The following SOS1 variants were observed in gnomAD, a reference collection of about 807,000 sequenced individuals.
The protein encoded by SOS1 is SOS Ras/Rac guanine nucleotide exchange factor 1, also known as son of sevenless homolog 1.
Under a neutral mutation model 157.6 loss-of-function variants are expected in SOS1, and 25 were observed. The ratio of observed to expected loss-of-function variants is 0.16; its 90% CI spans 0.12 to 0.22. SOS1 has a LOEUF of 0.22. Ranked by LOEUF, SOS1 falls within the 10% of genes least tolerant of loss-of-function variation. The pLI, the probability that SOS1 is intolerant of heterozygous loss-of-function variation, is 1.00. For missense variants in SOS1, 1,237 were observed against 1,599.1 expected (o/e 0.77, Z 3.86); for synonymous variants, 528 against 534.0 (o/e 0.99, Z 0.16).
At chr2:39,065,216 G>A (rs1368753104) in intron 2 of SOS1, among the ~76,000 whole-genome samples, 1 of 152,110 alleles carries the variant, frequency 6.6e-6, no homozygotes, top group African/African-American at 2.4e-5. Flanking sequence ...AGTCAATGAG[G>A]AAAATGGAAA....
chr2:38,997,220 C>A (rs760955660), intron 18 of SOS1, 33 bp downstream of exon 18: 26 of 1,530,948 alleles, frequency 1.7e-5, no homozygotes, highest in Non-Finnish European at 2.1e-5. Flanking sequence ...GAAACTTAAT[C>A]AGAAGTATGA....
chr2:39,005,770 T>C (rs943369838), intron 17 of SOS1, among the ~76,000 whole-genome samples: 2 of 152,008 alleles, frequency 1.3e-5, no homozygotes, highest in Non-Finnish European at 2.9e-5. Flanking sequence ...AGAGAGATCA[T>C]AATTTCTATA....
rs188605377 is a variant in SOS1, at chr2:39,033,745, C to G, written c.1074+1467G>C. 2.0e-5 allele frequency among the ~76,000 whole-genome samples: 3 copies of G among 152,268 alleles called. No individual in the cohort carries two copies. In the East Asian group the frequency reaches 5.8e-4, roughly 29 times the overall value. Reference sequence around the variant, plus strand: ...AGAGACAGGGTCTTGCCATGTTGCCCAAGCTGGTCTTGAACACCTGGGCTC... The same window carrying G: ...AGAGACAGGGTCTTGCCATGTTGCCGAAGCTGGTCTTGAACACCTGGGCTC... On this transcript the variant is annotated intron_variant, in intron 8 of 22. Transcript: ENST00000402219.
intron 1 of SOS1, among the ~76,000 whole-genome samples, chr2:39,112,805 G>A (rs1414053929): frequency 3.3e-5 from 5 of 152,136 alleles, no homozygotes; most frequent in African/African-American, 9.7e-5. Flanking sequence ...TCGGTAGGCC[G>A]AGGCGGGCAG....
chr2:39,061,711 C>T (rs1426689450), intron 2 of SOS1, among the ~76,000 whole-genome samples: 1 of 151,876 alleles, frequency 6.6e-6, no homozygotes, highest in Non-Finnish European at 1.5e-5. Flanking sequence ...AAAAAGAAGC[C>T]CAAGGAGGAC....
At chr2:39,078,896 C>A (rs988119200) in intron 1 of SOS1, among the ~76,000 whole-genome samples, 3 of 151,846 alleles carry the variant, frequency 2.0e-5, no homozygotes, top group African/African-American at 7.3e-5. Flanking sequence ...CCTGTCTCCA[C>A]TAAAAATACA....
chr2:39,007,752 C>T (rs1231559499), intron 15 of SOS1, among the ~76,000 whole-genome samples: 2 of 152,128 alleles, frequency 1.3e-5, no homozygotes, highest in East Asian at 1.9e-4. Context: ...AGATTCTGGA[C>T]TTGTGGTATG....
In SOS1 at chr2:38,983,543, T is replaced by G. The variant is rs1276025840; in HGVS notation, c.*2281A>C. 1.3e-5 allele frequency: 2 copies of G among 148,930 alleles called. No individual in the cohort carries two copies. Among genetic ancestry groups the G allele is most frequent in the African/African-American group, 4.9e-5 (2 of 40,896 alleles). 9.2% of individuals were successfully genotyped at this position (148,930 alleles called of 1,614,324 possible). ...AACTCCAAATCTGAATTTTTCCTCTTTATAGACTAGATAGGTTGAAAAGGG... is the reference window on the plus strand; with the variant it reads ...AACTCCAAATCTGAATTTTTCCTCTGTATAGACTAGATAGGTTGAAAAGGG... On this transcript the variant is annotated 3_prime_UTR_variant, in exon 23 of 23. Coordinates refer to ENST00000402219, the MANE Select transcript of SOS1 (RefSeq NM_005633.4).
chr2:39,013,470 T>G lies in SOS1; in HGVS notation c.2157A>C (p.Gly719=). Residue 719 remains glycine (G), a synonymous_variant, in exon 13 of 23, where the codon GGA becomes GGC. Coordinates refer to ENST00000402219, the MANE Select transcript of SOS1 (RefSeq NM_005633.4). ...YLLQRMEEFI[G]TVRGKAMKKW... ...AAAAAAAAAACATACCTCTTACTGT[T>G]CCAATAAATTCTTCCATTCGTTGCA... is the stretch of plus-strand genomic sequence containing the variant. 6.2e-7 allele frequency: 1 copy of G among 1,604,620 alleles called. No individual in the cohort carries two copies. Among genetic ancestry groups the G allele is most frequent in the Non-Finnish European group, 8.5e-7 (1 of 1,171,578 alleles).
intron 1 of SOS1, among the ~76,000 whole-genome samples, chr2:39,081,884 T>C (rs1256260679): frequency 6.6e-6 from 1 of 152,220 alleles, no homozygotes; most frequent in East Asian, 1.9e-4. Context: ...AAAAACTTGC[T>C]TATTCAACCT....
In SOS1 at chr2:39,120,477, G is replaced by T; in HGVS notation, c.-55C>A. The T allele has an allele frequency of 6.8e-7, 1 of 1,465,000 alleles. No individual in the cohort carries two copies. 90.8% of individuals were successfully genotyped at this position (1,465,000 alleles called of 1,614,324 possible). A position where few individuals can be genotyped will look rare whatever the true frequency, so the allele number is the denominator to read the frequency against. ...GAGGGGCGGCGGCGGCCGGGCCAGG[G>T]AGCCGCGAGAGGGCGAGCTCGCAGC... On this transcript the variant is annotated 5_prime_UTR_variant, in exon 1 of 23. Transcript: ENST00000402219.
intron 17 of SOS1, among the ~76,000 whole-genome samples, chr2:38,998,589 T>C (rs565796198): frequency 1.3e-5 from 2 of 152,300 alleles, no homozygotes; most frequent in Middle Eastern, 3.4e-3. Context: ...AATTAGTCTC[T>C]CTGTGCCTCA....
At chr2:39,107,588 A>C (rs778127506) in intron 1 of SOS1, among the ~76,000 whole-genome samples, 1 of 149,730 alleles carries the variant, frequency 6.7e-6, no homozygotes, top group Non-Finnish European at 1.5e-5. Context: ...GCTTAATCCC[A>C]TCTTGGCATC....
chr2:39,032,947 G>A (rs990713500), intron 8 of SOS1, among the ~76,000 whole-genome samples: 21 of 152,002 alleles, frequency 1.4e-4, no homozygotes, highest in Non-Finnish European at 2.9e-4. Flanking sequence ...CCTGGAGAGG[G>A]TAGAAGAGGA....
Position 39,013,557 on chromosome 2 carries a change from T to TA in SOS1, c.2069dup (p.Leu690PhefsTer14). ...GCTCTACCCAGTGCCGACATACATT[T>TA]AATACTCTATGGCATTAACACAGAA... On this transcript the variant is annotated frameshift_variant, in exon 13 of 23. Coordinates refer to ENST00000402219, the MANE Select transcript of SOS1 (RefSeq NM_005633.4). LOFTEE classifies it high-confidence loss of function. 1 of 1,582,750 alleles carries TA rather than the reference T, an allele frequency of 6.3e-7. No homozygotes were observed. Among genetic ancestry groups the TA allele is most frequent in the Non-Finnish European group, 8.7e-7 (1 of 1,151,540 alleles).
intron 6 of SOS1, among the ~76,000 whole-genome samples, chr2:39,049,135 C>T (rs1336732132): frequency 6.6e-6 from 1 of 152,162 alleles, no homozygotes; most frequent in African/African-American, 2.4e-5. Flanking sequence ...CCAGGCTGGT[C>T]TTGAACTCCT....
intron 10 of SOS1, among the ~76,000 whole-genome samples, chr2:39,018,324 C>T (rs1196020333): frequency 6.6e-6 from 1 of 151,744 alleles, no homozygotes; most frequent in Non-Finnish European, 1.5e-5. Context: ...AGTTTTTCCC[C>T]CTCATCATTA....
rs183626536 is a variant in SOS1, at chr2:39,113,445, G to C, written c.87+6891C>G. On this transcript the variant is annotated intron_variant, in intron 1 of 22. Coordinates refer to ENST00000402219, the MANE Select transcript of SOS1 (RefSeq NM_005633.4). ...ACTCCTCCTGCCTTGGCCTCCCAAA[G>C]TGTTGGCGTCAATAGCATGAGCCAC... Among the ~76,000 whole-genome samples the C allele has an allele frequency of 7.9e-4, 120 of 151,248 alleles. 1 individual carries two copies. The East Asian group carries it at 0.021, about 26-fold the overall frequency.
chr2:39,116,335 C>G (rs1049491569), intron 1 of SOS1, among the ~76,000 whole-genome samples: 1 of 152,224 alleles, frequency 6.6e-6, no homozygotes, highest in Non-Finnish European at 1.5e-5. Flanking sequence ...CCCAATCACT[C>G]AGTGAGTTAC....
Sources: allele counts gnomAD v4.1 joint callset (sites outside exome capture counted in the v4.1 genomes callset), GRCh38; gene constraint gnomAD v4.1.1; transcripts MANE v1.5; gene names NCBI Gene and HGNC (gene_info 2026-07-23, HGNC 2026-07-21).